Variants in MPZL1 observed in about 807,000 individuals in gnomAD.
The protein encoded by MPZL1 is myelin protein zero-like protein 1.
A neutral mutation model predicts 29.3 loss-of-function variants in MPZL1; 16 were observed. That is an observed-to-expected ratio of 0.55 (90% CI 0.37 to 0.83). MPZL1 has a LOEUF of 0.83. Ranked by LOEUF, MPZL1 falls within the 40% of genes least tolerant of loss-of-function variation. The probability of loss-of-function intolerance (pLI) is 0.00; values close to 1 mark genes in which losing one functional copy is unlikely to be tolerated. For missense variants in MPZL1, 279 were observed against 332.9 expected (o/e 0.84, Z 1.26); for synonymous variants, 143 against 132.0 (o/e 1.08, Z -0.57).
At chr1:167,784,597 C>T (rs973460229) in intron 5 of MPZL1, among the ~76,000 whole-genome samples, 1 of 152,176 alleles carries the variant, frequency 6.6e-6, no homozygotes, top group Non-Finnish European at 1.5e-5. Context: ...ACTCAGGGCT[C>T]CTTCCACCTC....
intron 1 of MPZL1, among the ~76,000 whole-genome samples, chr1:167,758,788 T>G (rs1034422439): frequency 6.6e-5 from 10 of 152,186 alleles, no homozygotes; most frequent in Admixed American, 6.5e-4. Context: ...TCCAGAGTAC[T>G]CTAAGAGAAG....
chr1:167,732,855 G>A (rs1660299123), intron 1 of MPZL1, among the ~76,000 whole-genome samples: 1 of 152,198 alleles, frequency 6.6e-6, no homozygotes, highest in South Asian at 2.1e-4. Context: ...TGACCCGCCT[G>A]CCTTGGCCTC....
At chr1:167,770,329 G>C (rs1028344679) in intron 2 of MPZL1, among the ~76,000 whole-genome samples, 2 of 152,208 alleles carry the variant, frequency 1.3e-5, no homozygotes, top group Admixed American at 6.5e-5. Flanking sequence ...ATAGCTGCTT[G>C]GATTAGAGCC....
chr1:167,787,911 G>T lies in MPZL1; in HGVS notation c.800G>T (p.Arg267Leu). The change falls in exon 6 of 6, where the codon CGA becomes CTA. Residue 267 changes from arginine to leucine, a missense_variant. Transcript: ENST00000359523. ...GAGTCTGTGGTGTATGCGGATATCC[G>T]AAAGAATTAAGAGAATACCTAGAAC... ...KSESVVYADI[R>L]KN The T allele has an allele frequency of 6.2e-7, 1 of 1,609,520 alleles. No individual in the cohort carries two copies. Among genetic ancestry groups the T allele is most frequent in the Non-Finnish European group, 8.5e-7 (1 of 1,175,812 alleles).
At chr1:167,727,896 T>C (rs1456729166) in intron 1 of MPZL1, among the ~76,000 whole-genome samples, 1 of 143,262 alleles carries the variant, frequency 7.0e-6, no homozygotes, top group East Asian at 2.0e-4. Flanking sequence ...TGAGACAGAG[T>C]CTCGTTTTGT....
chr1:167,734,044 C>T (rs897919592), intron 1 of MPZL1, among the ~76,000 whole-genome samples: 1 of 152,116 alleles, frequency 6.6e-6, no homozygotes, highest in Non-Finnish European at 1.5e-5. Context: ...ATCATGAGGT[C>T]AGGAGATCAA....
chr1:167,751,528 G>A (rs1420989289), intron 1 of MPZL1, among the ~76,000 whole-genome samples: 1 of 151,958 alleles, frequency 6.6e-6, no homozygotes, highest in African/African-American at 2.4e-5. Context: ...AAAATTAGCC[G>A]GGCGTGGTGG....
intron 1 of MPZL1, among the ~76,000 whole-genome samples, chr1:167,734,057 C>A (rs1197910478): frequency 6.6e-6 from 1 of 152,098 alleles, no homozygotes; most frequent in Admixed American, 6.5e-5. Flanking sequence ...GAGATCAAGA[C>A]CATCCTGGCT....
rs1271081344 is a variant in MPZL1 at position 167,765,758 on chromosome 1, G to A, written c.258+9G>A. 6.3e-7 allele frequency: 1 copy of A among 1,585,584 alleles called. No individual in the cohort carries two copies. The highest frequency in any genetic ancestry group is 8.6e-7 in the Non-Finnish European group (1 of 1,167,240). On this transcript the variant is annotated intron_variant, in intron 2 of 5. Coordinates refer to ENST00000359523, the MANE Select transcript of MPZL1 (RefSeq NM_003953.6). ...CCGACACTACTGTGTCGGTAAGAAT[G>A]CTTGACTTCTCTTGGCTAGTCCTGC...
intron 1 of MPZL1, among the ~76,000 whole-genome samples, chr1:167,760,253 A>C (rs1251681422): frequency 6.6e-6 from 1 of 151,904 alleles, no homozygotes; most frequent in Non-Finnish European, 1.5e-5. Context: ...CCCCGCCCAG[A>C]GTGTAGTGGT....
chr1:167,765,869 T>C (rs576857327), intron 2 of MPZL1, 120 bp downstream of exon 2: 11 of 967,840 alleles, frequency 1.1e-5, no homozygotes, highest in South Asian at 6.5e-5. Context: ...TTATCTGTTA[T>C]AGACTTCAAG....
chr1:167,755,242 C>T (rs567690165), intron 1 of MPZL1, among the ~76,000 whole-genome samples: 3 of 152,174 alleles, frequency 2.0e-5, no homozygotes, highest in East Asian at 1.9e-4. Context: ...TGCCATCGAC[C>T]GTAGGCGTAT....
intron 5 of MPZL1, among the ~76,000 whole-genome samples, chr1:167,777,567 G>A (rs1034025063): frequency 4.8e-5 from 7 of 145,756 alleles, no homozygotes; most frequent in Admixed American, 7.5e-5. Flanking sequence ...TACCAAAGAA[G>A]GAACCATAGA....
chr1:167,739,282 C>CATATATATATATATACATAT (rs1660456579), intron 1 of MPZL1, among the ~76,000 whole-genome samples: 1 of 90,442 alleles, frequency 1.1e-5, no homozygotes, highest in Admixed American at 1.1e-4. Flanking sequence ...TACATATATA[C>CATATATATATATATACATAT]ATATATATAT....
chr1:167,764,004 GT>G (rs1661054288), intron 1 of MPZL1, among the ~76,000 whole-genome samples: 1 of 152,154 alleles, frequency 6.6e-6, no homozygotes, highest in African/African-American at 2.4e-5. Context: ...AGTCAGTTAA[GT>G]CTTCAAGGAG....
chr1:167,754,564 C>T (rs1461047504), intron 1 of MPZL1, among the ~76,000 whole-genome samples: 2 of 152,138 alleles, frequency 1.3e-5, no homozygotes, highest in African/African-American at 4.8e-5. Flanking sequence ...GAGCACTGCC[C>T]TGGTATTTTG....
intron 2 of MPZL1, among the ~76,000 whole-genome samples, chr1:167,769,998 A>G (rs1276183405): frequency 6.6e-6 from 1 of 152,236 alleles, no homozygotes; most frequent in Admixed American, 6.5e-5. Flanking sequence ...GCCATCAGTG[A>G]AGACACGATA....
At chr1:167,748,981 T>G (rs1660704735) in intron 1 of MPZL1, among the ~76,000 whole-genome samples, 1 of 152,202 alleles carries the variant, frequency 6.6e-6, no homozygotes, top group Non-Finnish European at 1.5e-5. Flanking sequence ...TTGGAAATTA[T>G]CTCAAAATGA....
At chr1:167,750,609 G>A (rs1404371339) in intron 1 of MPZL1, among the ~76,000 whole-genome samples, 1 of 152,128 alleles carries the variant, frequency 6.6e-6, no homozygotes, top group African/African-American at 2.4e-5. Context: ...CATGGAAGCA[G>A]TAAAAATGCC....
Sources: gnomAD v4.1 joint callset for allele counts (sites outside exome capture counted in the v4.1 genomes callset) on GRCh38, gnomAD v4.1.1 for gene constraint, MANE v1.5 for transcripts, NCBI Gene and HGNC (gene_info 2026-07-23, HGNC 2026-07-21) for gene names.